The following ZNF221 variants were observed in gnomAD, a reference collection of about 807,000 sequenced individuals.
ZNF221 encodes the protein zinc finger protein 221.
ZNF221 carries 10 observed loss-of-function variants against 12.6 expected under a neutral mutation model. The ratio of observed to expected loss-of-function variants is 0.79; its 90% CI spans 0.49 to 1.34. ZNF221 has a LOEUF of 1.34. ZNF221 is among the 40% of genes most tolerant of loss of function. The pLI is 0.00. For missense variants in ZNF221, 661 were observed against 721.4 expected (o/e 0.92, Z 0.96); for synonymous variants, 232 against 244.0 (o/e 0.95, Z 0.46).
At chr19:43,973,198 T>C in the ZNF221 span, among the ~76,000 whole-genome samples, 4 of 152,046 alleles carry the variant, frequency 2.6e-5, no homozygotes, top group African/African-American at 9.7e-5. Flanking sequence ...AAATTCAACA[T>C]CCCTTCATGC....
At chr19:43,963,740 A>G (rs975409441) in intron 2 of ZNF221, among the ~76,000 whole-genome samples, 5 of 152,206 alleles carry the variant, frequency 3.3e-5, no homozygotes, top group African/African-American at 1.2e-4. Context: ...CACATAGGCA[A>G]CCAAGGTCAG....
downstream of ZNF221, among the ~76,000 whole-genome samples, chr19:43,968,470 T>G (rs776980095): frequency 1.1e-4 from 17 of 152,334 alleles, no homozygotes; most frequent in Middle Eastern, 0.02. Context: ...ATGTAAGAGA[T>G]GTAGAAAGAG....
chr19:43,959,095 C>T (rs1259573349), intron 1 of ZNF221, among the ~76,000 whole-genome samples: 51 of 151,830 alleles, frequency 3.4e-4, no homozygotes, highest in Admixed American at 3.3e-3. Flanking sequence ...AACTGTGGGT[C>T]CTACATAAAC....
At chr19:43,957,538 C>G (rs957096490) in intron 1 of ZNF221, among the ~76,000 whole-genome samples, 2 of 152,192 alleles carry the variant, frequency 1.3e-5, no homozygotes, top group African/African-American at 4.8e-5. Flanking sequence ...CTTAATTTAA[C>G]ATAATGATCT....
At chr19:43,970,849 G>T (rs1038828480), downstream of ZNF221, among the ~76,000 whole-genome samples, 1 of 152,164 alleles carries the variant, frequency 6.6e-6, no homozygotes, top group African/African-American at 2.4e-5. Flanking sequence ...ACTTTAGGAT[G>T]TTATCCAGGA....
chr19:43,964,422 T>C (rs973561884), intron 2 of ZNF221, among the ~76,000 whole-genome samples: 4 of 152,178 alleles, frequency 2.6e-5, no homozygotes, highest in Non-Finnish European at 4.4e-5. Flanking sequence ...AACTAATGTA[T>C]GTAGTTTGTG....
chr19:43,980,894 TG>T, the ZNF221 span, among the ~76,000 whole-genome samples: 3,360 of 152,278 alleles, frequency 0.022, 67 homozygotes, highest in Non-Finnish European at 0.034. Flanking sequence ...TAAGTTTCTC[TG>T]CCATCAGGAC....
rs1974994349 is a variant in ZNF221, at chr19:43,967,326, A to G, written c.1824A>G (p.Ser608=). The G allele has an allele frequency of 6.2e-7, 1 of 1,613,384 alleles. No homozygotes were observed. The change falls in exon 5 of 5, where the codon TCA becomes TCG. Residue 608 remains serine, a synonymous_variant. Transcript: ENST00000587682. ...CAGAATTCACAGCTTCATTTACATC[A>G]GTAAGTCTATGTGGGAGAAAAGCCA... ...IYSEFTASFT[S]VSLCGRKAI
At position 43,967,124 on chromosome 19, in the gene ZNF221, A is replaced by G. The variant is rs1212404590; in HGVS notation, c.1622A>G (p.Lys541Arg). 2 of 1,595,360 alleles carry G rather than the reference A, an allele frequency of 1.3e-6. No individual in the cohort carries two copies. The highest frequency in any genetic ancestry group is 1.7e-6 in the Non-Finnish European group (2 of 1,168,198). The change falls in exon 5 of 5, where the codon AAG becomes AGG. Residue 541 changes from lysine to arginine, a missense_variant. Lys to Arg is a conservative substitution (Grantham distance 26). Transcript: ENST00000587682. ...CTATACAAATGTGAGCAGTGTGAGA[A>G]GGGGTACAACAGTAAATTTAATCTT... ...EKLYKCEQCE[K>R]GYNSKFNLDM...
At chr19:43,973,335 G>A in the ZNF221 span, among the ~76,000 whole-genome samples, 1 of 152,136 alleles carries the variant, frequency 6.6e-6, no homozygotes, top group Middle Eastern at 3.4e-3. Flanking sequence ...TTGAAAACTG[G>A]CACAAGACAA....
At chr19:43,970,029 A>G (rs1004614697), downstream of ZNF221, among the ~76,000 whole-genome samples, 2 of 152,190 alleles carry the variant, frequency 1.3e-5, no homozygotes, top group Admixed American at 6.5e-5. Flanking sequence ...ACTGGTCAGT[A>G]TCCCCCTGGG....
the ZNF221 span, among the ~76,000 whole-genome samples, chr19:43,980,347 CA>C: frequency 6.6e-6 from 1 of 152,190 alleles, no homozygotes; most frequent in Non-Finnish European, 1.5e-5. Flanking sequence ...GTCCAGTTTA[CA>C]AATCCACAAT....
chr19:43,976,205 C>T, the ZNF221 span, among the ~76,000 whole-genome samples: 1 of 151,928 alleles, frequency 6.6e-6, no homozygotes, highest in East Asian at 2.0e-4. Flanking sequence ...CCCACAGTAA[C>T]ATTTCTAATG....
intron 1 of ZNF221, among the ~76,000 whole-genome samples, chr19:43,957,470 G>A (rs558067695): frequency 2.0e-5 from 3 of 152,256 alleles, no homozygotes; most frequent in African/African-American, 4.8e-5. Context: ...ACCATAACCC[G>A]CCTGGAGAAA....
downstream of ZNF221, among the ~76,000 whole-genome samples, chr19:43,970,212 C>A (rs1203908209): frequency 8.4e-6 from 1 of 118,932 alleles, no homozygotes; most frequent in Non-Finnish European, 1.8e-5. Context: ...TAAAAACAGG[C>A]AGAAAACAAC....
chr19:43,961,266 A>G (rs955548588), intron 1 of ZNF221, among the ~76,000 whole-genome samples: 1 of 152,014 alleles, frequency 6.6e-6, no homozygotes, highest in African/African-American at 2.4e-5. Flanking sequence ...TCTTTACCCA[A>G]ATTTTCCAAT....
Position 43,965,857 on chromosome 19 carries a change from G to T in ZNF221, c.355G>T (p.Glu119Ter). The T allele has an allele frequency of 6.2e-7, 1 of 1,613,506 alleles. No homozygotes were observed. The highest frequency in any genetic ancestry group is 8.5e-7 in the Non-Finnish European group (1 of 1,179,586). The change falls in exon 5 of 5, where the codon GAG becomes TAG. Residue 119 changes from glutamate (E) to a stop codon, truncating the protein, a stop_gained. Transcript: ENST00000587682. LOFTEE classifies it low-confidence loss of function (END_TRUNC). ...TGTTCCAGAAGCAGGACCACATGAA[G>T]AGTGGTCCTGTCAGCAAATATGGGA... is the stretch of plus-strand genomic sequence containing the variant. Reference protein sequence around the residue: ...ETVPEAGPHEEWSCQQIWEQI... With the variant: ...ETVPEAGPHE
chr19:43,959,329 C>T (rs1974807232), intron 1 of ZNF221, among the ~76,000 whole-genome samples: 1 of 152,096 alleles, frequency 6.6e-6, no homozygotes, highest in Admixed American at 6.5e-5. Context: ...TATATTTTTT[C>T]CCTTAGGGAC....
chr19:43,976,789 C>T, the ZNF221 span: 1 of 152,146 alleles, frequency 6.6e-6, no homozygotes, highest in Non-Finnish European at 1.5e-5. Context: ...CAAGAGTAAC[C>T]TTTACATACT....
Sources: gnomAD v4.1 joint callset for allele counts (sites outside exome capture counted in the v4.1 genomes callset) on GRCh38, gnomAD v4.1.1 for gene constraint, MANE v1.5 for transcripts, NCBI Gene and HGNC (gene_info 2026-07-23, HGNC 2026-07-21) for gene names.